Variants in CNTNAP5 observed in about 807,000 individuals in gnomAD.
CNTNAP5 encodes contactin associated protein family member 5.
In CNTNAP5, 72 loss-of-function variants were observed where a neutral mutation model predicts 150.2. That is an observed-to-expected ratio of 0.48 (90% CI 0.40 to 0.58). The LOEUF is 0.58. CNTNAP5 is among the 20% of genes least tolerant of loss of function. The pLI is 0.00. For missense variants in CNTNAP5, 1,636 were observed against 1,626.2 expected (o/e 1.01, Z -0.10); for synonymous variants, 672 against 619.8 (o/e 1.08, Z -1.25).
chr2:124,559,423 T>C (rs1336540024), intron 10 of CNTNAP5, among the ~76,000 whole-genome samples: 2 of 152,212 alleles, frequency 1.3e-5, no homozygotes, highest in Non-Finnish European at 2.9e-5. Flanking sequence ...ACCAGGGCTT[T>C]GGGGAGTAAG....
intron 2 of CNTNAP5, among the ~76,000 whole-genome samples, chr2:124,227,870 A>G (rs116825780): frequency 0.011 from 1,603 of 152,052 alleles, 16 homozygotes; most frequent in Non-Finnish European, 0.017. Flanking sequence ...AGAGAAACAG[A>G]ACCAACGGGA....
At chr2:124,341,632 G>C (rs1298918817) in intron 3 of CNTNAP5, among the ~76,000 whole-genome samples, 1 of 152,122 alleles carries the variant, frequency 6.6e-6, no homozygotes, top group Non-Finnish European at 1.5e-5. Flanking sequence ...TTAATATGTG[G>C]CATTTCTAAA....
At chr2:124,823,952 C>T (rs1269916569) in intron 19 of CNTNAP5, among the ~76,000 whole-genome samples, 7 of 143,944 alleles carry the variant, frequency 4.9e-5, no homozygotes, top group African/African-American at 1.8e-4. Flanking sequence ...GAGTTTTACT[C>T]TTGTTTCCCA....
chr2:124,473,914 C>G (rs1693579192), intron 6 of CNTNAP5, among the ~76,000 whole-genome samples: 1 of 151,998 alleles, frequency 6.6e-6, no homozygotes, highest in Admixed American at 6.6e-5. Flanking sequence ...GCTAGTATCT[C>G]ATAACCTTTC....
intron 13 of CNTNAP5, among the ~76,000 whole-genome samples, chr2:124,689,084 A>T (rs1357922551): frequency 6.6e-6 from 1 of 152,064 alleles, no homozygotes; most frequent in Non-Finnish European, 1.5e-5. Flanking sequence ...GAGAACTGTC[A>T]TGTTATTGCT....
chr2:124,802,760 A>G (rs1392477778), intron 19 of CNTNAP5, among the ~76,000 whole-genome samples: 1 of 152,158 alleles, frequency 6.6e-6, no homozygotes, highest in Non-Finnish European at 1.5e-5. Context: ...TGGGGCACTT[A>G]CCATGTGGCA....
intron 19 of CNTNAP5, among the ~76,000 whole-genome samples, chr2:124,828,208 G>A (rs771404312): frequency 6.6e-6 from 1 of 152,158 alleles, no homozygotes; most frequent in Non-Finnish European, 1.5e-5. Context: ...TTGGCCAGAC[G>A]CGTTGGCTCA....
intron 16 of CNTNAP5, among the ~76,000 whole-genome samples, chr2:124,769,274 G>T (rs1159558381): frequency 6.6e-6 from 1 of 152,118 alleles, no homozygotes; most frequent in Non-Finnish European, 1.5e-5. Flanking sequence ...CTCTGTTACA[G>T]CCCTAAACAT....
intron 10 of CNTNAP5, among the ~76,000 whole-genome samples, chr2:124,544,677 C>A (rs1253901705): frequency 6.6e-6 from 1 of 152,076 alleles, no homozygotes; most frequent in Admixed American, 6.5e-5. Context: ...ATTTAAGTAC[C>A]ACATGTGGCT....
chr2:124,842,070 G>A (rs1327742911), intron 19 of CNTNAP5, among the ~76,000 whole-genome samples: 1 of 152,114 alleles, frequency 6.6e-6, no homozygotes, highest in African/African-American at 2.4e-5. Flanking sequence ...ATCATAAAAA[G>A]TGAACATAAA....
intron 13 of CNTNAP5, among the ~76,000 whole-genome samples, chr2:124,677,448 G>A (rs548898303): frequency 1.1e-3 from 171 of 152,296 alleles, no homozygotes; most frequent in African/African-American, 3.9e-3. Context: ...TGGCTGGGGT[G>A]GCCAGCTTTT....
intron 19 of CNTNAP5, among the ~76,000 whole-genome samples, chr2:124,841,893 C>T (rs995894053): frequency 9.2e-5 from 14 of 152,028 alleles, no homozygotes; most frequent in Non-Finnish European, 2.9e-5. Context: ...AACCACAAAT[C>T]GTGACCCAAT....
intron 4 of CNTNAP5, among the ~76,000 whole-genome samples, chr2:124,434,258 C>T (rs1442272902): frequency 1.3e-5 from 2 of 152,174 alleles, no homozygotes; most frequent in African/African-American, 4.8e-5. Flanking sequence ...TACTTCTAAA[C>T]TAATGATCAG....
intron 6 of CNTNAP5, among the ~76,000 whole-genome samples, chr2:124,464,640 G>A (rs12618343): frequency 0.22 from 34,149 of 152,044 alleles, 4,007 homozygotes; most frequent in South Asian, 0.37. Context: ...GAAAGCCATC[G>A]TCCAATTTTG....
rs180941815 is a variant in CNTNAP5 at position 124,378,355 on chromosome 2, C to T, written c.382-39088C>T. Among the ~76,000 whole-genome samples the T allele has an allele frequency of 6.6e-5, 10 of 152,180 alleles. No homozygotes were observed. In the East Asian group the frequency reaches 1.7e-3, roughly 27 times the overall value. On this transcript the variant is annotated intron_variant, in intron 3 of 23. Coordinates refer to ENST00000682447, the MANE Select transcript of CNTNAP5 (RefSeq NM_001367498.1). ...AGTTCTCTATTTCTTCCTCCACCTA[C>T]CCCACTCTCTCTCTAACTCCCACTG...
intron 1 of CNTNAP5, among the ~76,000 whole-genome samples, chr2:124,137,574 C>A (rs536835795): frequency 1.3e-4 from 19 of 151,886 alleles, no homozygotes; most frequent in African/African-American, 4.6e-4. Context: ...ATTTAACACA[C>A]AAAAAAAATT....
At chr2:124,671,526 G>A (rs551979684) in intron 13 of CNTNAP5, among the ~76,000 whole-genome samples, 18 of 152,226 alleles carry the variant, frequency 1.2e-4, no homozygotes, top group African/African-American at 4.3e-4. Flanking sequence ...TAATTTAAGT[G>A]ATCTTTCAAG....
chr2:124,336,480 C>T (rs889497997), intron 3 of CNTNAP5, among the ~76,000 whole-genome samples: 7 of 150,660 alleles, frequency 4.6e-5, no homozygotes, highest in East Asian at 2.0e-4. Context: ...CCCATTGACT[C>T]GTCATTTAAC....
At position 124,897,200 on chromosome 2, in the gene CNTNAP5, T is replaced by C. The variant is rs1678323961; in HGVS notation, c.3437-5682T>C. 2.0e-5 allele frequency among the ~76,000 whole-genome samples: 3 copies of C among 151,540 alleles called. No individual in the cohort carries two copies. The South Asian group carries it at 6.2e-4, about 31-fold the overall frequency. On this transcript the variant is annotated intron_variant, in intron 21 of 23. Coordinates refer to ENST00000682447, the MANE Select transcript of CNTNAP5 (RefSeq NM_001367498.1). ...ATGAGTAGGGAACCATAAATATACA[T>C]GTTAGTACATTTTCCTGAAAGTTCT... is the stretch of plus-strand genomic sequence containing the variant.
Sources: gnomAD v4.1 joint callset for allele counts (sites outside exome capture counted in the v4.1 genomes callset) on GRCh38, gnomAD v4.1.1 for gene constraint, MANE v1.5 for transcripts, NCBI Gene and HGNC (gene_info 2026-07-23, HGNC 2026-07-21) for gene names.